The following ZNF717 variants were observed in gnomAD, a reference collection of about 807,000 sequenced individuals.
ZNF717 encodes the protein krueppel-like factor X17.
A neutral mutation model predicts 13.8 loss-of-function variants in ZNF717; 9 were observed. That is an observed-to-expected ratio of 0.65 (90% confidence interval 0.39 to 1.14). The LOEUF is 1.14. ZNF717 is among the 50% of genes most tolerant of loss of function. The probability of loss-of-function intolerance (pLI) is 0.01; values close to 1 mark genes in which losing one functional copy is unlikely to be tolerated. For synonymous variants in ZNF717, 327 were observed against 364.1 expected (o/e 0.90, Z 1.16); for missense variants, 1,040 against 1,080.7 (o/e 0.96, Z 0.53).
intron 2 of ZNF717, among the ~76,000 whole-genome samples, chr3:75,750,677 C>T (rs57091669): frequency 0.094 from 14,269 of 151,206 alleles, 1,287 homozygotes; most frequent in African/African-American, 0.21. Flanking sequence ...AACACTGTTA[C>T]GAGGGTCTGA....
chr3:75,765,793 G>T (rs1943417244), intron 2 of ZNF717, among the ~76,000 whole-genome samples: 1 of 152,192 alleles, frequency 6.6e-6, no homozygotes, highest in Non-Finnish European at 1.5e-5. Context: ...AAGAAGTTAG[G>T]AAAGAATATA....
chr3:75,719,970 A>AAGTAATAATAAT (rs748007104), intron 4 of ZNF717, among the ~76,000 whole-genome samples: 1 of 146,136 alleles, frequency 6.8e-6, no homozygotes, highest in Non-Finnish European at 1.5e-5. Flanking sequence ...AAATAATAAT[A>AAGTAATAATAAT]AATAATAATA....
intron 2 of ZNF717, among the ~76,000 whole-genome samples, chr3:75,773,072 G>A (rs1374460931): frequency 2.6e-5 from 4 of 152,170 alleles, no homozygotes; most frequent in African/African-American, 7.2e-5. Context: ...TCCTACATCT[G>A]ATTGGGTCAG....
At chr3:75,769,936 A>C (rs901318696) in intron 2 of ZNF717, among the ~76,000 whole-genome samples, 1 of 152,266 alleles carries the variant, frequency 6.6e-6, no homozygotes, top group African/African-American at 2.4e-5. Flanking sequence ...TATTAACATA[A>C]GCTAGAATCA....
At chr3:75,777,905 C>T (rs767801953) in intron 2 of ZNF717, among the ~76,000 whole-genome samples, 18 of 134,678 alleles carry the variant, frequency 1.3e-4, no homozygotes, top group Non-Finnish European at 2.8e-4. Flanking sequence ...TAAAACGGAA[C>T]CCAAAACAAT....
chr3:75,782,807 G>A (rs1041714142), intron 2 of ZNF717, among the ~76,000 whole-genome samples: 3 of 152,034 alleles, frequency 2.0e-5, no homozygotes, highest in Non-Finnish European at 4.4e-5. Flanking sequence ...AGCGGCAGAT[G>A]ACCATTTCCA....
At chr3:75,718,569 C>T (rs1406770213) in intron 4 of ZNF717, among the ~76,000 whole-genome samples, 2 of 152,104 alleles carry the variant, frequency 1.3e-5, no homozygotes, top group African/African-American at 4.8e-5. Flanking sequence ...TCAGTGGTCC[C>T]CAGCCTTTTT....
chr3:75,729,083 T>C (rs13066187), downstream of ZNF717, among the ~76,000 whole-genome samples: 1 of 151,304 alleles, frequency 6.6e-6, no homozygotes, highest in Non-Finnish European at 1.5e-5. Context: ...TCCATGCCTT[T>C]GGCTCAGTGA....
At chr3:75,723,128 CGT>C (rs1163887356) in intron 4 of ZNF717, among the ~76,000 whole-genome samples, 2 of 150,698 alleles carry the variant, frequency 1.3e-5, no homozygotes, top group Non-Finnish European at 3.0e-5. Flanking sequence ...CAGAAAAACC[CGT>C]GTTTTGAAAA....
At chr3:75,700,801 A>C (rs1465428578) in intron 6 of ZNF717, among the ~76,000 whole-genome samples, 1 of 152,298 alleles carries the variant, frequency 6.6e-6, no homozygotes, top group Non-Finnish European at 1.5e-5. Context: ...AAATGAAATA[A>C]AGACTTAAAC....
At chr3:75,766,844 C>A (rs147601955) in intron 2 of ZNF717, among the ~76,000 whole-genome samples, 2,271 of 150,152 alleles carry the variant, frequency 0.015, no homozygotes, top group African/African-American at 0.055. Flanking sequence ...CCAGAAAAGC[C>A]TCAAATGTCT....
At chr3:75,697,239 C>CTT (rs79992989) in intron 6 of ZNF717, among the ~76,000 whole-genome samples, 51 of 150,454 alleles carry the variant, frequency 3.4e-4, no homozygotes, top group African/African-American at 1.1e-3. Flanking sequence ...GTCAAATTAT[C>CTT]TTTTTTTTTT....
downstream of ZNF717, among the ~76,000 whole-genome samples, chr3:75,725,161 T>G (rs77414261): frequency 6.6e-6 from 1 of 151,882 alleles, no homozygotes; most frequent in Non-Finnish European, 1.5e-5. Flanking sequence ...AAACCCTCAC[T>G]CTCTCTCATC....
At chr3:75,777,663 C>G (rs1373581891) in intron 2 of ZNF717, among the ~76,000 whole-genome samples, 1 of 150,918 alleles carries the variant, frequency 6.6e-6, no homozygotes, top group Non-Finnish European at 1.5e-5. Context: ...AACCGGAACC[C>G]AAAACAATGG....
At chr3:75,722,907 G>A (rs1272388154) in intron 4 of ZNF717, among the ~76,000 whole-genome samples, 1 of 151,674 alleles carries the variant, frequency 6.6e-6, no homozygotes, top group Non-Finnish European at 1.5e-5. Context: ...TGGGAGGCAT[G>A]ACACCACATC....
chr3:75,724,479 A>G (rs1220714673), intron 4 of ZNF717, among the ~76,000 whole-genome samples: 1 of 150,986 alleles, frequency 6.6e-6, no homozygotes, highest in South Asian at 2.1e-4. Context: ...TTGAGCTCCA[A>G]AAGTGCTGGG....
At chr3:75,740,210 T>C (rs1940205867) in intron 4 of ZNF717, among the ~76,000 whole-genome samples, 1 of 152,222 alleles carries the variant, frequency 6.6e-6, no homozygotes. Flanking sequence ...CACACAGTTT[T>C]ATATAAAAAT....
In ZNF717 at chr3:75,738,649, C is replaced by A; in HGVS notation, c.974G>T (p.Ser325Ile). ...WCEKLFSYKSSLIIHQRIHTG... is the reference protein window; with the variant it reads ...WCEKLFSYKSILIIHQRIHTG... ...GTGAATTCTCTGATGGATAATGAGG[C>A]TGGACTTATAGCTGAACAATTTTTC... is the stretch of plus-strand genomic sequence containing the variant. Residue 325 changes from serine (S) to isoleucine (I), a missense_variant, in exon 5 of 5, where the codon AGC (serine) becomes ATC (isoleucine). Ser to Ile is a moderately radical substitution (Grantham distance 142, BLOSUM62 -2). Transcript: ENST00000652011. 7.7e-6 allele frequency: 12 copies of A among 1,552,282 alleles called. No homozygotes were observed. In the South Asian group the frequency reaches 1.2e-4, roughly 15 times the overall value.
Position 75,737,141 on chromosome 3 carries a change from T to A in ZNF717, c.2482A>T (p.Lys828Ter). The A allele has an allele frequency of 6.4e-7, 1 of 1,563,946 alleles. No homozygotes were observed. The highest frequency in any genetic ancestry group is 8.7e-7 in the Non-Finnish European group (1 of 1,154,426). Residue 828 changes from lysine (K) to a stop codon, truncating the protein, a stop_gained, in exon 5 of 5, where the codon AAA becomes TAA. Coordinates refer to ENST00000652011, the MANE Select transcript of ZNF717 (RefSeq NM_001290208.3). LOFTEE classifies it low-confidence loss of function (END_TRUNC). ...TGAGTTCTGTGATGTACAAAGAGTTTTGACTTCTGGGAGAAGGTTTTCCTA... is the reference window on the plus strand; with the variant it reads ...TGAGTTCTGTGATGTACAAAGAGTTATGACTTCTGGGAGAAGGTTTTCCTA... ...ECRKTFSQKS[K>*]LFVHHRTHTG...
Sources: allele counts gnomAD v4.1 joint callset (sites outside exome capture counted in the v4.1 genomes callset), GRCh38; gene constraint gnomAD v4.1.1; transcripts MANE v1.5; gene names NCBI Gene and HGNC (gene_info 2026-07-23, HGNC 2026-07-21).